Variants in PHLDB3 observed in about 807,000 individuals in gnomAD.
PHLDB3 encodes pleckstrin homology-like domain family B member 3.
PHLDB3 carries 86 observed loss-of-function variants against 85.7 expected under a neutral mutation model. The observed-to-expected ratio is 1.00, with a 90% CI of 0.84 to 1.20. PHLDB3 has a LOEUF of 1.20. Among genes scored for constraint, PHLDB3 ranks in the 50% most tolerant of loss-of-function variants. The probability of loss-of-function intolerance (pLI) is 0.00; values close to 1 mark genes in which losing one functional copy is unlikely to be tolerated. For missense variants in PHLDB3, 995 were observed against 873.0 expected (o/e 1.14, Z -1.76); for synonymous variants, 376 against 349.8 (o/e 1.07, Z -0.83).
Position 43,500,909 on chromosome 19 carries a change from A to ACCCCC in PHLDB3, c.534+820_534+824dup, listed in dbSNP as rs1248570317. Among the ~76,000 whole-genome samples, 103 of 17,138 alleles carry ACCCCC rather than the reference A, an allele frequency of 6.0e-3. 4 individuals carry two copies. Among genetic ancestry groups the ACCCCC allele is most frequent in the Non-Finnish European group, 7.1e-3 (54 of 7,614 alleles). The allele number at this position is 17,138 out of a possible 152,430, so 11.2% of individuals were successfully genotyped here. A position where few individuals can be genotyped will look rare whatever the true frequency, so the allele number is the denominator to read the frequency against. On this transcript the variant is annotated intron_variant, in intron 4 of 15. Transcript: ENST00000292140. ...CCTCCCACTTTGCCCCGCCCCCCGTACCCCCCCCCCACCCCGCAAGTACTG... is the reference window on the plus strand; with the variant it reads ...CCTCCCACTTTGCCCCGCCCCCCGTACCCCCCCCCCCCCCCACCCCGCAAGTACTG...
Position 43,486,684 on chromosome 19 carries a change from G to C in PHLDB3, c.1353C>G (p.Ile451Met). ...GCTCCATGTGGGCAATGTCTGGATG[G>C]ATGGCCCCACAGCTAGGAGGAGGGA... Reference protein sequence around the residue: ...NCGRGNSCGAIHPDIAHMERL... With the variant: ...NCGRGNSCGAMHPDIAHMERL... The change falls in exon 12 of 16, where the codon ATC becomes ATG. Residue 451 changes from isoleucine (I) to methionine (M), a missense_variant. Ile to Met is a conservative substitution (Grantham distance 10, BLOSUM62 1). Coordinates refer to ENST00000292140, the MANE Select transcript of PHLDB3 (RefSeq NM_198850.4). 3 of 1,613,996 alleles carry C rather than the reference G, an allele frequency of 1.9e-6. No individual in the cohort carries two copies. The highest frequency in any genetic ancestry group is 2.5e-6 in the Non-Finnish European group (3 of 1,179,862).
At chr19:43,495,775 C>T in intron 6 of PHLDB3, 155 bp from the exon 7 acceptor site, 2 of 1,042,402 alleles carry the variant, frequency 1.9e-6, no homozygotes, top group Non-Finnish European at 1.3e-6. Context: ...GTTCAGCTCC[C>T]TGGACCCTCT....
intron 4 of PHLDB3, among the ~76,000 whole-genome samples, chr19:43,501,376 G>A (rs148090004): frequency 0.013 from 1,906 of 151,940 alleles, 22 homozygotes; most frequent in Non-Finnish European, 0.02. Flanking sequence ...GCAGAGACGG[G>A]GTTTCGCCAT....
At chr19:43,499,626 C>T (rs1419624773) in intron 4 of PHLDB3, among the ~76,000 whole-genome samples, 2 of 152,078 alleles carry the variant, frequency 1.3e-5, no homozygotes, top group Non-Finnish European at 2.9e-5. Context: ...CCAACATACA[C>T]GACACTTGCA....
rs62115726 is a variant in PHLDB3 at position 43,489,102 on chromosome 19, C to T, written c.1150-1979G>A. On this transcript the variant is annotated intron_variant, in intron 9 of 15. Transcript: ENST00000292140. The stretch of plus-strand genomic sequence containing the variant: ...GGCGTGAGCCACCGCACCCAAGTGA[C>T]TCTAAGGACAATTCTGCAGTGTAGA... Among the ~76,000 whole-genome samples, 687 of 152,182 alleles carry T rather than the reference C, an allele frequency of 4.5e-3. 2 individuals carry two copies. Among genetic ancestry groups the T allele is most frequent in the Middle Eastern group, 0.01 (3 of 294 alleles).
At chr19:43,494,960 C>A (rs951905342) in intron 8 of PHLDB3, 145 bp from the exon 9 acceptor site, 32 of 662,952 alleles carry the variant, frequency 4.8e-5, no homozygotes, top group Non-Finnish European at 7.6e-5. Flanking sequence ...TCCTTCGTGT[C>A]CAGTCTCCCA....
intron 2 of PHLDB3, among the ~76,000 whole-genome samples, chr19:43,502,572 C>T (rs919132919): frequency 1.3e-5 from 2 of 150,854 alleles, no homozygotes; most frequent in South Asian, 4.2e-4. Context: ...CCTCATCCTC[C>T]TAGGTAGCTG....
Position 43,487,037 on chromosome 19 carries a change from G to C in PHLDB3, c.1236C>G (p.Ser412=). The C allele has an allele frequency of 6.4e-7, 1 of 1,571,548 alleles. No individual in the cohort carries two copies. The highest frequency in any genetic ancestry group is 8.6e-7 in the Non-Finnish European group (1 of 1,160,984). ...GGGGATCCTCACCAGTACAATGGAAGGACAGAGGTCGGGGGGATCCTCTCT... is the reference window on the plus strand; with the variant it reads ...GGGGATCCTCACCAGTACAATGGAACGACAGAGGTCGGGGGGATCCTCTCT... ...GSQRGSPRPL[S]FHCTESLEAS... The change falls in exon 10 of 16, where the codon TCC becomes TCG. Residue 412 remains serine, a synonymous_variant. Coordinates refer to ENST00000292140, the MANE Select transcript of PHLDB3 (RefSeq NM_198850.4).
chr19:43,479,932 T>A (rs934076116), intron 13 of PHLDB3, among the ~76,000 whole-genome samples: 1 of 151,978 alleles, frequency 6.6e-6, no homozygotes, highest in Non-Finnish European at 1.5e-5. Flanking sequence ...CAGGTATTTC[T>A]GACCCTAGAG....
Position 43,495,327 on chromosome 19 carries a change from G to T in PHLDB3, c.964C>A (p.Leu322Met), listed in dbSNP as rs754941941. Residue 322 changes from leucine to methionine, a missense_variant, in exon 8 of 16, where the codon CTG becomes ATG. Coordinates refer to ENST00000292140, the MANE Select transcript of PHLDB3 (RefSeq NM_198850.4). ...LQALSQERSR[L>M]LELNCLQGTP... is the part of the protein sequence containing the mutation. ...CCCTGAAGGCAATTGAGCTCGAGCAGCCGGCTCCGTTCCTACCAGAAGATA... is the reference window on the plus strand; with the variant it reads ...CCCTGAAGGCAATTGAGCTCGAGCATCCGGCTCCGTTCCTACCAGAAGATA... 3.7e-6 allele frequency: 6 copies of T among 1,613,504 alleles called. No homozygotes were observed. The highest frequency in any genetic ancestry group is 5.1e-6 in the Non-Finnish European group (6 of 1,179,692).
At chr19:43,483,742 GGAGGCAGAACTGTTA>G (rs1971095285) in intron 13 of PHLDB3, among the ~76,000 whole-genome samples, 1 of 152,096 alleles carries the variant, frequency 6.6e-6, no homozygotes, top group South Asian at 2.1e-4. Context: ...TCTTTAATGG[GGAGGCAGAACTGTTA>G]GAGATTAAAA....
chr19:43,481,449 T>A (rs1388120142), intron 13 of PHLDB3, among the ~76,000 whole-genome samples: 6 of 152,150 alleles, frequency 3.9e-5, no homozygotes, highest in South Asian at 2.1e-4. Context: ...AGAAACCCTG[T>A]CTCTGCTGAA....
At chr19:43,485,697 C>T (rs1397460789) in intron 13 of PHLDB3, among the ~76,000 whole-genome samples, 3 of 151,502 alleles carry the variant, frequency 2.0e-5, no homozygotes, top group African/African-American at 7.3e-5. Context: ...GCTGGGATTA[C>T]AGGCATGTGC....
At chr19:43,485,999 T>C in intron 13 of PHLDB3, 1 of 985,406 alleles carries the variant, frequency 1.0e-6, no homozygotes, top group Non-Finnish European at 1.2e-6. Context: ...CCTTCTGTAC[T>C]GACTGCTGAC....
chr19:43,491,945 GTTT>G (rs35827061), intron 9 of PHLDB3, among the ~76,000 whole-genome samples: 6 of 129,566 alleles, frequency 4.6e-5, no homozygotes, highest in South Asian at 2.4e-4. Flanking sequence ...GCACCTGGCC[GTTT>G]TTTTTTTTTT....
intron 15 of PHLDB3, 49 bp downstream of exon 15, chr19:43,477,998 C>A (rs371362778): frequency 4.7e-6 from 7 of 1,494,648 alleles, no homozygotes; most frequent in Non-Finnish European, 6.5e-6. Context: ...AGGCCTGACT[C>A]CAACTGAGTC....
intron 9 of PHLDB3, among the ~76,000 whole-genome samples, chr19:43,491,539 T>C (rs1044777949): frequency 6.6e-6 from 1 of 152,142 alleles, no homozygotes; most frequent in African/African-American, 2.4e-5. Context: ...TCTCGCTCTG[T>C]TGCCCAGGCT....
chr19:43,484,260 A>G (rs958933881), intron 13 of PHLDB3, among the ~76,000 whole-genome samples: 5 of 151,768 alleles, frequency 3.3e-5, no homozygotes, highest in African/African-American at 1.2e-4. Context: ...TGGAAAAAAA[A>G]AAAAAAAAGG....
intron 9 of PHLDB3, among the ~76,000 whole-genome samples, chr19:43,492,532 A>C (rs987494108): frequency 3.3e-5 from 5 of 151,490 alleles, no homozygotes; most frequent in African/African-American, 1.2e-4. Context: ...TGGTATTCTT[A>C]ACAGTATTGC....
Sources: allele counts gnomAD v4.1 joint callset (sites outside exome capture counted in the v4.1 genomes callset), GRCh38; gene constraint gnomAD v4.1.1; transcripts MANE v1.5; gene names NCBI Gene and HGNC (gene_info 2026-07-23, HGNC 2026-07-21).